Variants in GFRA1 observed in about 807,000 individuals in gnomAD.
GFRA1 encodes GDNF family receptor alpha 1.
Under a neutral mutation model 51.6 loss-of-function variants are expected in GFRA1, and 16 were observed. That is an observed-to-expected ratio of 0.31 (90% CI 0.21 to 0.47). GFRA1 has a LOEUF of 0.47. Among genes scored for constraint, GFRA1 ranks in the 20% least tolerant of loss-of-function variants. The probability of loss-of-function intolerance (pLI) is 1.00; values close to 1 mark genes in which losing one functional copy is unlikely to be tolerated. For missense variants in GFRA1, 530 were observed against 594.3 expected (o/e 0.89, Z 1.13); for synonymous variants, 270 against 241.3 (o/e 1.12, Z -1.10).
At chr10:116,091,614 A>C (rs539276568) in intron 8 of GFRA1, among the ~76,000 whole-genome samples, 1 of 152,294 alleles carries the variant, frequency 6.6e-6, no homozygotes, top group Non-Finnish European at 1.5e-5. Flanking sequence ...TCCTCCCCCA[A>C]ACTAGAAATA....
At chr10:116,257,686 A>G (rs570358296) in intron 4 of GFRA1, among the ~76,000 whole-genome samples, 1 of 152,312 alleles carries the variant, frequency 6.6e-6, no homozygotes, top group African/African-American at 2.4e-5. Flanking sequence ...ATTAAGTTGA[A>G]CTGTCTGAAA....
intron 5 of GFRA1, among the ~76,000 whole-genome samples, chr10:116,133,128 G>A (rs887210401): frequency 6.6e-6 from 1 of 151,820 alleles, no homozygotes; most frequent in Non-Finnish European, 1.5e-5. Flanking sequence ...CAGAATGAAC[G>A]CTGTTTACTA....
intron 9 of GFRA1, 91 bp from the exon 10 acceptor site, chr10:116,065,717 CTGAT>C: frequency 1.0e-6 from 1 of 959,936 alleles, no homozygotes. Flanking sequence ...GCAATGCTCT[CTGAT>C]AAATATGTGA....
At chr10:116,176,104 CTTTTAT>C (rs1015391304) in intron 5 of GFRA1, among the ~76,000 whole-genome samples, 1 of 152,162 alleles carries the variant, frequency 6.6e-6, no homozygotes, top group Non-Finnish European at 1.5e-5. Flanking sequence ...TGAACCTATG[CTTTTAT>C]AGCCCAAGGA....
At chr10:116,092,221 A>G (rs762031863) in intron 8 of GFRA1, among the ~76,000 whole-genome samples, 8 of 151,916 alleles carry the variant, frequency 5.3e-5, no homozygotes, top group Non-Finnish European at 8.8e-5. Context: ...TCCTTACTTG[A>G]CACTACTTTT....
At chr10:116,130,861 C>T (rs1016740001) in intron 5 of GFRA1, among the ~76,000 whole-genome samples, 1 of 151,888 alleles carries the variant, frequency 6.6e-6, no homozygotes, top group Non-Finnish European at 1.5e-5. Flanking sequence ...TGGAGCTAGA[C>T]AAATATTTCT....
chr10:116,178,159 G>T (rs908909455), intron 5 of GFRA1, among the ~76,000 whole-genome samples: 3 of 152,188 alleles, frequency 2.0e-5, no homozygotes, highest in Non-Finnish European at 4.4e-5. Context: ...TCTTGTTTGG[G>T]CTTGGCTTTT....
intron 6 of GFRA1, among the ~76,000 whole-genome samples, chr10:116,105,827 T>C (rs1956985340): frequency 1.3e-5 from 2 of 152,176 alleles, no homozygotes; most frequent in African/African-American, 4.8e-5. Flanking sequence ...GAAGAAAAAC[T>C]GCTTGCGGCA....
chr10:116,202,656 G>A (rs376215210), intron 5 of GFRA1, among the ~76,000 whole-genome samples: 21 of 152,038 alleles, frequency 1.4e-4, no homozygotes, highest in African/African-American at 4.8e-4. Context: ...TGGTGGAGCA[G>A]GAGAGAGAGA....
intron 5 of GFRA1, among the ~76,000 whole-genome samples, chr10:116,182,905 C>T (rs1203101124): frequency 6.6e-6 from 1 of 152,186 alleles, no homozygotes; most frequent in Non-Finnish European, 1.5e-5. Flanking sequence ...TCTCCAGATG[C>T]TGGTTTCCCC....
At chr10:116,262,346 T>G (rs1462423121) in intron 4 of GFRA1, among the ~76,000 whole-genome samples, 1 of 152,204 alleles carries the variant, frequency 6.6e-6, no homozygotes, top group Non-Finnish European at 1.5e-5. Flanking sequence ...GATACTAGCA[T>G]GTCCTGTATT....
At chr10:116,156,247 A>G (rs920617197) in intron 5 of GFRA1, among the ~76,000 whole-genome samples, 2 of 152,176 alleles carry the variant, frequency 1.3e-5, no homozygotes, top group African/African-American at 4.8e-5. Context: ...CACTACATCA[A>G]TCTGATTAAT....
In GFRA1 at chr10:116,255,837, T is replaced by A. The variant is rs559551016; in HGVS notation, c.418+13666A>T. 4 of 936,818 alleles carry A rather than the reference T, an allele frequency of 4.3e-6. No individual in the cohort carries two copies. In the East Asian group the frequency reaches 2.5e-4, roughly 59 times the overall value. 58.0% of individuals were successfully genotyped at this position (936,818 alleles called of 1,614,324 possible). On this transcript the variant is annotated intron_variant, in intron 4 of 10. Coordinates refer to ENST00000355422, the MANE Select transcript of GFRA1 (RefSeq NM_005264.8). ...TCAGTTCGCAAAAAACCTGAGTTAC[T>A]GCTTAAGTGTAGAGTAGAAAATCAG...
chr10:116,136,254 A>C (rs1958320348), intron 5 of GFRA1, among the ~76,000 whole-genome samples: 1 of 152,250 alleles, frequency 6.6e-6, no homozygotes, highest in African/African-American at 2.4e-5. Context: ...ATTAGCAGTA[A>C]AATTAATGAG....
At chr10:116,270,463 T>C (rs886244196) in intron 3 of GFRA1, among the ~76,000 whole-genome samples, 1 of 152,212 alleles carries the variant, frequency 6.6e-6, no homozygotes, top group Non-Finnish European at 1.5e-5. Context: ...CCTATTATTA[T>C]TGAGAGGCCA....
At chr10:116,221,899 A>G (rs916449136) in intron 4 of GFRA1, among the ~76,000 whole-genome samples, 2 of 152,146 alleles carry the variant, frequency 1.3e-5, no homozygotes, top group African/African-American at 2.4e-5. Flanking sequence ...CAACTGTTTC[A>G]ATAGGTTTAT....
At chr10:116,150,605 A>G (rs1017956319) in intron 5 of GFRA1, among the ~76,000 whole-genome samples, 4 of 152,206 alleles carry the variant, frequency 2.6e-5, no homozygotes, top group African/African-American at 9.7e-5. Flanking sequence ...TTTGCCATGA[A>G]ATATCTTGCT....
chr10:116,160,221 G>C (rs1959611640), intron 5 of GFRA1, among the ~76,000 whole-genome samples: 1 of 152,136 alleles, frequency 6.6e-6, no homozygotes, highest in Non-Finnish European at 1.5e-5. Context: ...ATGTCTTTAT[G>C]TGCCACATTT....
chr10:116,174,270 C>T (rs1961360343), intron 5 of GFRA1, among the ~76,000 whole-genome samples: 1 of 152,156 alleles, frequency 6.6e-6, no homozygotes, highest in Non-Finnish European at 1.5e-5. Context: ...AACCAAGTAA[C>T]ACTTTTCAGC....
Sources: allele counts gnomAD v4.1 joint callset (sites outside exome capture counted in the v4.1 genomes callset), GRCh38; gene constraint gnomAD v4.1.1; transcripts MANE v1.5; gene names NCBI Gene and HGNC (gene_info 2026-07-23, HGNC 2026-07-21).